MAGI1: variants seen among roughly 807,000 people sequenced by gnomAD.
MAGI1 encodes membrane associated guanylate kinase, WW and PDZ domain containing 1.
MAGI1 carries 58 observed loss-of-function variants against 139.9 expected under a neutral mutation model. That is an observed-to-expected ratio of 0.41 (90% CI 0.34 to 0.52). The LOEUF (loss-of-function observed/expected upper bound fraction) is 0.52. Among genes scored for constraint, MAGI1 ranks in the 20% least tolerant of loss-of-function variants. MAGI1 has a pLI of 0.12. For synonymous variants in MAGI1, 812 were observed against 737.9 expected, an observed-to-expected ratio of 1.10 and a Z score of -1.63; for missense variants, 1,874 against 1,901.6, an observed-to-expected ratio of 0.99 and a Z score of 0.27.
intron 2 of MAGI1, among the ~76,000 whole-genome samples, chr3:65,617,308 G>A (rs1356939541): frequency 6.6e-6 from 1 of 152,206 alleles, no homozygotes; most frequent in African/African-American, 2.4e-5. Flanking sequence ...GTCCAGAAAA[G>A]TGAGGAGGAA....
chr3:65,383,514 G>C lies in MAGI1; in HGVS notation c.2508+18C>G, dbSNP rs765204522. The C allele has an allele frequency of 6.3e-7, 1 of 1,584,854 alleles. No homozygotes were observed. The highest frequency in any genetic ancestry group is 8.7e-7 in the Non-Finnish European group (1 of 1,153,642). Reference sequence around the variant, plus strand: ...CTTAGAAAAATATGCTGGGAAGAGAGACAAGCAAAAGACTCACAGGTTCCC... The same window carrying C: ...CTTAGAAAAATATGCTGGGAAGAGACACAAGCAAAAGACTCACAGGTTCCC... On this transcript the variant is annotated intron_variant, in intron 15 of 22. Coordinates refer to ENST00000402939, the MANE Select transcript of MAGI1 (RefSeq NM_001033057.2).
intron 18 of MAGI1, among the ~76,000 whole-genome samples, chr3:65,367,591 A>C (rs1354331729): frequency 6.6e-6 from 1 of 152,212 alleles, no homozygotes; most frequent in East Asian, 1.9e-4. Flanking sequence ...CCATTACCAC[A>C]TACTTCATTT....
intron 12 of MAGI1, 96 bp from the exon 13 acceptor site, chr3:65,401,566 C>T (rs1476753878): frequency 6.4e-7 from 1 of 1,558,444 alleles, no homozygotes; most frequent in Non-Finnish European, 8.7e-7. Flanking sequence ...TGTTCCATGG[C>T]AACCTAGCCA....
intron 1 of MAGI1, among the ~76,000 whole-genome samples, chr3:65,865,180 C>T (rs2059679395): frequency 6.6e-6 from 1 of 152,178 alleles, no homozygotes; most frequent in Non-Finnish European, 1.5e-5. Flanking sequence ...ACCAAGTCAG[C>T]ATAAACTCAC....
intron 8 of MAGI1, among the ~76,000 whole-genome samples, 183 bp downstream of exon 8, chr3:65,442,609 T>C (rs1476389036): frequency 2.0e-5 from 3 of 152,178 alleles, no homozygotes; most frequent in Admixed American, 2.0e-4. Flanking sequence ...AATAATATGA[T>C]TTGCTATTTT....
intron 2 of MAGI1, among the ~76,000 whole-genome samples, chr3:65,560,297 T>C (rs555733077): frequency 4.6e-5 from 7 of 152,250 alleles, no homozygotes; most frequent in African/African-American, 1.2e-4. Context: ...CACTGAAAAA[T>C]GTACGCCTCT....
chr3:65,681,446 T>C (rs1358144991), intron 1 of MAGI1, among the ~76,000 whole-genome samples: 1 of 152,244 alleles, frequency 6.6e-6, no homozygotes, highest in African/African-American at 2.4e-5. Flanking sequence ...ATCATTTTTT[T>C]ACTCTAAATG....
chr3:65,813,837 T>G (rs2041434979), intron 1 of MAGI1, among the ~76,000 whole-genome samples: 2 of 152,140 alleles, frequency 1.3e-5, no homozygotes, highest in African/African-American at 4.8e-5. Flanking sequence ...CACACATAAT[T>G]AAGTCCAGGG....
chr3:65,491,307 C>T (rs1455086100), intron 3 of MAGI1, among the ~76,000 whole-genome samples: 5 of 151,996 alleles, frequency 3.3e-5, no homozygotes, highest in South Asian at 4.1e-4. Flanking sequence ...AGATAATAGC[C>T]GCCTCTGTTG....
chr3:65,377,169 CT>C (rs1255393071), intron 17 of MAGI1, among the ~76,000 whole-genome samples: 1 of 152,130 alleles, frequency 6.6e-6, no homozygotes, highest in Non-Finnish European at 1.5e-5. Context: ...ACTTTAATTC[CT>C]TTGAATTTCA....
intron 22 of MAGI1, 51 bp from the exon 23 acceptor site, chr3:65,357,183 T>C (rs1186394181): frequency 6.5e-7 from 1 of 1,545,792 alleles, no homozygotes; most frequent in African/African-American, 1.4e-5. Flanking sequence ...GTCCCTCGGC[T>C]CCTGTCCCCG....
intron 7 of MAGI1, among the ~76,000 whole-genome samples, chr3:65,446,811 C>T (rs1948710974): frequency 6.6e-6 from 1 of 152,164 alleles, no homozygotes; most frequent in Non-Finnish European, 1.5e-5. Context: ...ACAATGACCA[C>T]AAAGACAACT....
At chr3:65,495,793 A>G (rs1952389713) in intron 2 of MAGI1, among the ~76,000 whole-genome samples, 1 of 152,118 alleles carries the variant, frequency 6.6e-6, no homozygotes, top group Non-Finnish European at 1.5e-5. Flanking sequence ...TGGCTAATAG[A>G]AAAGGTGATG....
chr3:65,789,696 G>A (rs940258595), intron 1 of MAGI1, among the ~76,000 whole-genome samples: 6 of 152,080 alleles, frequency 3.9e-5, no homozygotes, highest in Admixed American at 6.6e-5. Context: ...TGATTTAGCC[G>A]GGATCTCCCT....
At chr3:65,577,744 G>A (rs1386858887) in intron 2 of MAGI1, among the ~76,000 whole-genome samples, 4 of 152,188 alleles carry the variant, frequency 2.6e-5, no homozygotes, top group Admixed American at 2.0e-4. Context: ...TATACAAAAT[G>A]TGTGTCTTTA....
At chr3:65,949,402 G>A (rs1431430048) in intron 1 of MAGI1, among the ~76,000 whole-genome samples, 1 of 152,208 alleles carries the variant, frequency 6.6e-6, no homozygotes, top group Non-Finnish European at 1.5e-5. Flanking sequence ...AAACAAAACA[G>A]AATTCACTGA....
intron 1 of MAGI1, among the ~76,000 whole-genome samples, chr3:65,705,519 G>A (rs2030080620): frequency 6.6e-6 from 1 of 152,194 alleles, no homozygotes; most frequent in Admixed American, 6.5e-5. Flanking sequence ...ATTGTACAAG[G>A]TGCAAGTCAG....
At chr3:65,965,718 G>A (rs999597939) in intron 1 of MAGI1, among the ~76,000 whole-genome samples, 6 of 151,472 alleles carry the variant, frequency 4.0e-5, no homozygotes, top group Admixed American at 6.6e-5. Flanking sequence ...TTACTCGGTC[G>A]CCCAGCCTGG....
chr3:65,966,557 G>A (rs1052471180), intron 1 of MAGI1, among the ~76,000 whole-genome samples: 50 of 151,904 alleles, frequency 3.3e-4, no homozygotes, highest in African/African-American at 1.1e-3. Context: ...GTTCGAGGTC[G>A]CAGTGGACTA....
Sources: gnomAD v4.1 joint callset for allele counts (sites outside exome capture counted in the v4.1 genomes callset) on GRCh38, gnomAD v4.1.1 for gene constraint, MANE v1.5 for transcripts, NCBI Gene and HGNC (gene_info 2026-07-23, HGNC 2026-07-21) for gene names.